MAPK4: variants seen among roughly 807,000 people sequenced by gnomAD.
MAPK4 encodes the protein mitogen-activated protein kinase 4, also known as Erk3-related.
Under a neutral mutation model 47.7 loss-of-function variants are expected in MAPK4, and 22 were observed. That is an observed-to-expected ratio of 0.46 (90% confidence interval 0.33 to 0.66). The LOEUF is 0.66. Ranked by LOEUF, MAPK4 falls within the 30% of genes least tolerant of loss-of-function variation. MAPK4 has a pLI of 0.02. For synonymous variants in MAPK4, 390 were observed against 365.7 expected, an observed-to-expected ratio of 1.07 and a Z score of -0.76; for missense variants, 736 against 831.7, an observed-to-expected ratio of 0.88 and a Z score of 1.42.
intron 2 of MAPK4, among the ~76,000 whole-genome samples, chr18:50,695,812 GGAGGGCA>G (rs1909484611): frequency 1.3e-5 from 2 of 152,204 alleles, no homozygotes; most frequent in African/African-American, 4.8e-5. Flanking sequence ...ATTGCGAAAG[GGAGGGCA>G]GAGTGACATC....
Position 50,639,839 on chromosome 18 carries a change from A to G in MAPK4, c.-870-23250A>G, listed in dbSNP as rs540398585. ...AGCTCACCTGGTAGAATATTCCATTAGGAACCTGGAACAGTGGGACAGGCA... is the reference window on the plus strand; with the variant it reads ...AGCTCACCTGGTAGAATATTCCATTGGGAACCTGGAACAGTGGGACAGGCA... On this transcript the variant is annotated intron_variant, in intron 1 of 5. Coordinates refer to ENST00000400384, the MANE Select transcript of MAPK4 (RefSeq NM_002747.4). Among the ~76,000 whole-genome samples, 3 of 152,338 alleles carry G rather than the reference A, an allele frequency of 2.0e-5. No individual in the cohort carries two copies. The South Asian group carries it at 6.2e-4, about 32-fold the overall frequency.
At chr18:50,638,476 G>A (rs1204585332) in intron 1 of MAPK4, among the ~76,000 whole-genome samples, 3 of 152,150 alleles carry the variant, frequency 2.0e-5, no homozygotes, top group Non-Finnish European at 4.4e-5. Context: ...AGGCATCCTG[G>A]AGTTGCCAAG....
intron 1 of MAPK4, among the ~76,000 whole-genome samples, chr18:50,601,233 C>T (rs1373215502): frequency 6.8e-6 from 1 of 147,500 alleles, no homozygotes; most frequent in Non-Finnish European, 1.5e-5. Context: ...ACATGGAAAG[C>T]TGAGGTGGGA....
chr18:50,717,581 C>T (rs1910709068), intron 3 of MAPK4, among the ~76,000 whole-genome samples: 2 of 152,074 alleles, frequency 1.3e-5, no homozygotes, highest in South Asian at 4.2e-4. Flanking sequence ...CCCTGAATCC[C>T]ACAAAATATA....
At chr18:50,640,225 G>A (rs1423140529) in intron 1 of MAPK4, among the ~76,000 whole-genome samples, 1 of 152,116 alleles carries the variant, frequency 6.6e-6, no homozygotes, top group Non-Finnish European at 1.5e-5. Flanking sequence ...GAAATCAGAG[G>A]CATACAACCA....
intron 1 of MAPK4, among the ~76,000 whole-genome samples, chr18:50,623,039 A>T (rs1387106908): frequency 6.6e-6 from 1 of 152,256 alleles, no homozygotes; most frequent in Non-Finnish European, 1.5e-5. Flanking sequence ...TAGTTAATTC[A>T]GGAGACAGCT....
chr18:50,722,653 C>T lies in MAPK4; in HGVS notation c.853+554C>T, dbSNP rs1200167118. On this transcript the variant is annotated intron_variant, in intron 4 of 5. Transcript: ENST00000400384. ...CAGCATCCCTCAGCAGCCGAAACGTCCATCTTGTGACAGGTGCAGAACAAG... is the reference window on the plus strand; with the variant it reads ...CAGCATCCCTCAGCAGCCGAAACGTTCATCTTGTGACAGGTGCAGAACAAG... Among the ~76,000 whole-genome samples the T allele has an allele frequency of 2.0e-5, 3 of 152,198 alleles. No individual in the cohort carries two copies. The East Asian group carries it at 5.8e-4, about 29-fold the overall frequency.
intron 3 of MAPK4, among the ~76,000 whole-genome samples, chr18:50,716,339 G>A (rs1024733768): frequency 6.6e-6 from 1 of 151,754 alleles, no homozygotes; most frequent in South Asian, 2.1e-4. Flanking sequence ...CTCTTCCCTG[G>A]GTCTCCTCCT....
chr18:50,719,471 A>T (rs1910816747), intron 3 of MAPK4, among the ~76,000 whole-genome samples: 1 of 152,210 alleles, frequency 6.6e-6, no homozygotes, highest in Non-Finnish European at 1.5e-5. Flanking sequence ...AGCCAATTCA[A>T]GGCAGGGGAG....
chr18:50,714,296 A>T (rs970548596), intron 2 of MAPK4, among the ~76,000 whole-genome samples: 5 of 152,212 alleles, frequency 3.3e-5, no homozygotes, highest in Non-Finnish European at 7.3e-5. Context: ...TGAATTATGT[A>T]GAAAACAATT....
At chr18:50,694,361 C>A (rs1169314225) in intron 2 of MAPK4, among the ~76,000 whole-genome samples, 6 of 152,178 alleles carry the variant, frequency 3.9e-5, no homozygotes, top group African/African-American at 1.2e-4. Context: ...CAAACACGTC[C>A]CCCTCACCTC....
At chr18:50,619,082 A>G (rs1227082267) in intron 1 of MAPK4, among the ~76,000 whole-genome samples, 1 of 152,212 alleles carries the variant, frequency 6.6e-6, no homozygotes, top group Admixed American at 6.5e-5. Flanking sequence ...CAAAAAGAAA[A>G]CTATGTGAAA....
intron 2 of MAPK4, among the ~76,000 whole-genome samples, chr18:50,686,159 C>G (rs1375111718): frequency 1.3e-5 from 2 of 152,196 alleles, no homozygotes; most frequent in Non-Finnish European, 2.9e-5. Flanking sequence ...AAATTAATTT[C>G]TCTTCTGAAC....
At chr18:50,658,020 C>T (rs957181284) in intron 1 of MAPK4, among the ~76,000 whole-genome samples, 4 of 152,104 alleles carry the variant, frequency 2.6e-5, no homozygotes, top group Admixed American at 1.3e-4. Flanking sequence ...GATGCCCAGT[C>T]CCTGTGCCAC....
At chr18:50,658,265 TA>T (rs1299678523) in intron 1 of MAPK4, among the ~76,000 whole-genome samples, 1 of 152,210 alleles carries the variant, frequency 6.6e-6, no homozygotes, top group Non-Finnish European at 1.5e-5. Flanking sequence ...AAGGTGTGCC[TA>T]CCCCACATTT....
chr18:50,619,520 G>C lies in MAPK4; in HGVS notation c.-870-43569G>C, dbSNP rs567069168. 3.8e-4 allele frequency among the ~76,000 whole-genome samples: 57 copies of C among 151,900 alleles called. 1 individual carries two copies. The highest frequency in any genetic ancestry group is 2.3e-3 in the Admixed American group (35 of 15,248). ...TTTTTATTTTTTTTAATAGAGACAG[G>C]GTCTCACTGTGTTGCCCAGGCTGGT... is the stretch of plus-strand genomic sequence containing the variant. On this transcript the variant is annotated intron_variant, in intron 1 of 5. Transcript: ENST00000400384.
In MAPK4 at chr18:50,664,014, G is replaced by T. The variant is rs536389282; in HGVS notation, c.56G>T (p.Arg19Leu). ...GTCTATGGGTATGACCTCGGTGGGCGCTTTGTTGACTTCCAACCCCTGGGC... is the reference window on the plus strand; with the variant it reads ...GTCTATGGGTATGACCTCGGTGGGCTCTTTGTTGACTTCCAACCCCTGGGC... ...ASVYGYDLGG[R>L]FVDFQPLGFG... The change falls in exon 2 of 6, where the codon CGC becomes CTC. Residue 19 changes from arginine (R) to leucine (L), a missense_variant. Arg to Leu is a moderately radical substitution (Grantham distance 102, BLOSUM62 -2). Transcript: ENST00000400384. This position sits in a 1 kb window ranked among gnomAD's most constrained non-coding sequence, Gnocchi z 6.0. 6.2e-7 allele frequency: 1 copy of T among 1,613,622 alleles called. No individual in the cohort carries two copies.
At chr18:50,578,422 A>G (rs1261823576) in intron 1 of MAPK4, among the ~76,000 whole-genome samples, 1 of 152,230 alleles carries the variant, frequency 6.6e-6, no homozygotes, top group Non-Finnish European at 1.5e-5. Context: ...GGGTCCAAGA[A>G]TATGCGTTTC....
chr18:50,656,751 G>A (rs2043114151), intron 1 of MAPK4, among the ~76,000 whole-genome samples: 1 of 152,072 alleles, frequency 6.6e-6, no homozygotes, highest in African/African-American at 2.4e-5. Flanking sequence ...TTCCTGCATT[G>A]TTTCCATAAT....
Sources: allele counts gnomAD v4.1 joint callset (sites outside exome capture counted in the v4.1 genomes callset), GRCh38; gene constraint gnomAD v4.1.1; non-coding constraint Gnocchi (gnomAD v3.1); transcripts MANE v1.5; gene names NCBI Gene and HGNC (gene_info 2026-07-23, HGNC 2026-07-21).